SMC2: variants seen among roughly 807,000 people sequenced by gnomAD.
The protein encoded by SMC2 is structural maintenance of chromosomes 2.
In SMC2, 41 loss-of-function variants were observed where a neutral mutation model predicts 142.6. The observed-to-expected ratio is 0.29, with a 90% CI of 0.22 to 0.37. SMC2 has a LOEUF of 0.37. SMC2 is among the 10% of genes least tolerant of loss of function. SMC2 has a pLI of 1.00. For synonymous variants in SMC2, 463 were observed against 457.5 expected (o/e 1.01, Z -0.15); for missense variants, 1,265 against 1,373.7 (o/e 0.92, Z 1.25).
intron 20 of SMC2, among the ~76,000 whole-genome samples, chr9:104,127,960 C>T (rs1273152295): frequency 6.6e-6 from 1 of 152,170 alleles, no homozygotes; most frequent in Non-Finnish European, 1.5e-5. Flanking sequence ...TGATGTTTTG[C>T]CAAGCAGCTA....
chr9:104,119,735 A>G (rs1245162232), intron 15 of SMC2, among the ~76,000 whole-genome samples: 1 of 152,158 alleles, frequency 6.6e-6, no homozygotes, highest in Non-Finnish European at 1.5e-5. Context: ...TCCCCATTTC[A>G]TTGGCCAGAG....
intron 7 of SMC2, among the ~76,000 whole-genome samples, chr9:104,101,096 C>G (rs1489873417): frequency 6.6e-6 from 1 of 152,054 alleles, no homozygotes; most frequent in Non-Finnish European, 1.5e-5. Flanking sequence ...TGCCACCACA[C>G]CCTGCTAGTT....
intron 16 of SMC2, among the ~76,000 whole-genome samples, chr9:104,121,920 A>C (rs531420915): frequency 1.9e-3 from 295 of 152,202 alleles, no homozygotes; most frequent in African/African-American, 6.7e-3. Context: ...ACACCCGGCT[A>C]ATTTTTGTAT....
chr9:104,102,049 T>C lies in SMC2; in HGVS notation c.726T>C (p.Ala242=), dbSNP rs1402800597. 1 of 1,612,540 alleles carries C rather than the reference T, an allele frequency of 6.2e-7. No individual in the cohort carries two copies. The highest frequency in any genetic ancestry group is 1.3e-5 in the African/African-American group (1 of 74,856). ...RLYIAYQFLL[A]EDTKVRSAEE... Reference sequence around the variant, plus strand: ...ATATTGCTTATCAGTTTTTGCTGGCTGAAGATACCAAAGTACGCTCAGCTG... The same window carrying C: ...ATATTGCTTATCAGTTTTTGCTGGCCGAAGATACCAAAGTACGCTCAGCTG... Residue 242 remains alanine, a synonymous_variant, in exon 8 of 25, where the codon GCT becomes GCC. Transcript: ENST00000374793.
chr9:104,107,154 C>T (rs1297047180), intron 9 of SMC2, among the ~76,000 whole-genome samples: 4 of 152,162 alleles, frequency 2.6e-5, no homozygotes, highest in Admixed American at 6.5e-5. Flanking sequence ...GATAATCAAG[C>T]TCTTTTGAGC....
chr9:104,096,873 AG>A (rs1429766015), intron 3 of SMC2, among the ~76,000 whole-genome samples: 2 of 152,174 alleles, frequency 1.3e-5, no homozygotes, highest in African/African-American at 4.8e-5. Context: ...AGTATGCTCC[AG>A]TTTCCCTCCC....
At chr9:104,126,386 G>A (rs1834284855) in intron 18 of SMC2, among the ~76,000 whole-genome samples, 3 of 151,906 alleles carry the variant, frequency 2.0e-5, no homozygotes, top group Admixed American at 6.6e-5. Context: ...TTCCCTATAG[G>A]AATAAAGGAT....
At chr9:104,118,440 T>C in intron 15 of SMC2, 65 bp downstream of exon 15, 1 of 1,391,224 alleles carries the variant, frequency 7.2e-7, no homozygotes, top group Non-Finnish European at 1.0e-6. Context: ...CTTTTTTAAG[T>C]ACATTTTTAG....
intron 9 of SMC2, among the ~76,000 whole-genome samples, chr9:104,103,367 A>G (rs183862500): frequency 4.6e-5 from 7 of 152,322 alleles, no homozygotes; most frequent in African/African-American, 1.7e-4. Context: ...GTTTTCTGAA[A>G]GAGGGATAAA....
At chr9:104,089,379 T>C (rs956099260), upstream of SMC2, among the ~76,000 whole-genome samples, 2 of 151,996 alleles carry the variant, frequency 1.3e-5, no homozygotes, top group Admixed American at 1.3e-4. Context: ...AAGGAACCAG[T>C]TGGAGGAGAA....
chr9:104,113,492 A>C lies in SMC2; in HGVS notation c.1414+17A>C. Reference sequence around the variant, plus strand: ...ATTATGAAGGTTTGCCTTTAAAAACATGATAATCAGATCATGAGGAGGTAG... The same window carrying C: ...ATTATGAAGGTTTGCCTTTAAAAACCTGATAATCAGATCATGAGGAGGTAG... On this transcript the variant is annotated intron_variant, in intron 11 of 24. Coordinates refer to ENST00000374793, the MANE Select transcript of SMC2 (RefSeq NM_006444.3). The C allele has an allele frequency of 6.3e-7, 1 of 1,578,126 alleles. No homozygotes were observed. The highest frequency in any genetic ancestry group is 8.6e-7 in the Non-Finnish European group (1 of 1,165,722).
chr9:104,121,623 C>G (rs1370760637), intron 16 of SMC2, among the ~76,000 whole-genome samples: 1 of 151,954 alleles, frequency 6.6e-6, no homozygotes, highest in Non-Finnish European at 1.5e-5. Flanking sequence ...TTTAAAAAAT[C>G]TAAATAAATG....
intron 23 of SMC2, among the ~76,000 whole-genome samples, chr9:104,136,596 T>G (rs1407602800): frequency 6.6e-6 from 1 of 152,102 alleles, no homozygotes; most frequent in Non-Finnish European, 1.5e-5. Context: ...CAGCAGAATT[T>G]TTTTTTTAAG....
rs534652112 is a variant in SMC2, at chr9:104,131,993, GT to G, written c.2992-10del. On this transcript the variant is annotated splice_polypyrimidine_tract_variant and intron_variant, in intron 21 of 24. Transcript: ENST00000374793. ...ATTTTATATTTTCCCAGTTAACCAT[GT>G]TTTTTATCTCATAGTACAATGACTT... 6 of 1,266,220 alleles carry G rather than the reference GT, an allele frequency of 4.7e-6. No homozygotes were observed. Among genetic ancestry groups the G allele is most frequent in the Non-Finnish European group, 6.7e-6 (6 of 892,460 alleles). 78.4% of individuals were successfully genotyped at this position (1,266,220 alleles called of 1,614,324 possible). A position where few individuals can be genotyped will look rare whatever the true frequency, so the allele number is the denominator to read the frequency against.
At chr9:104,104,619 G>A (rs150027650) in intron 9 of SMC2, among the ~76,000 whole-genome samples, 145 of 152,284 alleles carry the variant, frequency 9.5e-4, no homozygotes, top group African/African-American at 3.3e-3. Context: ...ACATTCTACA[G>A]TTATTCTTGA....
intron 3 of SMC2, 147 bp from the exon 4 acceptor site, chr9:104,098,299 T>C: frequency 1.7e-6 from 1 of 588,130 alleles, no homozygotes; most frequent in Non-Finnish European, 2.7e-6. Context: ...TTTTTGACCA[T>C]GTCATACTTG....
intron 24 of SMC2, 21 bp from the exon 25 acceptor site, chr9:104,139,118 C>G: frequency 6.6e-7 from 1 of 1,523,178 alleles, no homozygotes; most frequent in Non-Finnish European, 8.8e-7. Context: ...TTTTTTTATA[C>G]TTTTTTCTTT....
intron 16 of SMC2, among the ~76,000 whole-genome samples, chr9:104,122,742 G>T (rs1833874508): frequency 1.3e-5 from 2 of 151,932 alleles, no homozygotes; most frequent in African/African-American, 4.8e-5. Context: ...CTACATTTTT[G>T]AAATTTTATG....
chr9:104,140,613 T>A lies in SMC2; in HGVS notation c.*1298T>A, dbSNP rs1190476467. On this transcript the variant is annotated 3_prime_UTR_variant, in exon 25 of 25. Transcript: ENST00000374793. ...GTCAGAAAACATGCAGTAATTGATA[T>A]TATGGGACACATTGGAAAGGATTGA... is the stretch of plus-strand genomic sequence containing the variant. The A allele has an allele frequency of 2.0e-5, 3 of 152,590 alleles. No homozygotes were observed. Among genetic ancestry groups the A allele is most frequent in the Non-Finnish European group, 2.9e-5 (2 of 68,014 alleles). 9.5% of individuals were successfully genotyped at this position (152,590 alleles called of 1,614,324 possible).
Sources: gnomAD v4.1 joint callset for allele counts (sites outside exome capture counted in the v4.1 genomes callset) on GRCh38, gnomAD v4.1.1 for gene constraint, MANE v1.5 for transcripts, NCBI Gene and HGNC (gene_info 2026-07-23, HGNC 2026-07-21) for gene names.